Variants in ERICH6B observed in about 807,000 individuals in gnomAD.
ERICH6B encodes glutamate-rich protein 6B.
Under a neutral mutation model 80.0 loss-of-function variants are expected in ERICH6B, and 69 were observed. The ratio of observed to expected loss-of-function variants is 0.86; its 90% CI spans 0.71 to 1.05. ERICH6B has a LOEUF of 1.05. Ranked by LOEUF, ERICH6B falls within the 50% of genes least tolerant of loss-of-function variation. ERICH6B has a pLI of 0.00. For missense variants in ERICH6B, 754 were observed against 796.1 expected (o/e 0.95, Z 0.64); for synonymous variants, 283 against 291.9 (o/e 0.97, Z 0.31).
rs1482160837 is a variant in ERICH6B, at chr13:45,574,840, A to C, written c.1050+2T>G. The C allele has an allele frequency of 2.6e-6, 4 of 1,548,784 alleles. No individual in the cohort carries two copies. The highest frequency in any genetic ancestry group is 2.0e-5 in the Admixed American group (1 of 50,952). On this transcript the variant is annotated splice_donor_variant, in intron 8 of 14. Transcript: ENST00000298738. LOFTEE classifies it high-confidence loss of function. ...GGGGTCTCAAGTTTTTATCCAACTT[A>C]CGTTTTCATCTAAATCTTCCACTTC...
intron 1 of ERICH6B, among the ~76,000 whole-genome samples, chr13:45,612,067 T>A (rs1250277464): frequency 6.6e-6 from 1 of 152,234 alleles, no homozygotes; most frequent in Non-Finnish European, 1.5e-5. Flanking sequence ...GGTATTTACA[T>A]GGATTGATGT....
At position 45,550,001 on chromosome 13, in the gene ERICH6B, A is replaced by G. The variant is rs760571647; in HGVS notation, c.1538T>C (p.Met513Thr). 1 of 1,551,890 alleles carries G rather than the reference A, an allele frequency of 6.4e-7. No homozygotes were observed. Among genetic ancestry groups the G allele is most frequent in the South Asian group, 1.2e-5 (1 of 84,054 alleles). The change falls in exon 13 of 15, where the codon ATG becomes ACG. Residue 513 changes from methionine (M) to threonine (T), a missense_variant. Physicochemically the swap from Met to Thr is moderately conservative, Grantham distance 81. Transcript: ENST00000298738. ...CAGAATGATGTATGTGAACTTTTTC[A>G]TTTTCGCATATAAGATGAGCATAGC... ...NLAMLILYAKMKKFTYIILED... is the reference protein window; with the variant it reads ...NLAMLILYAKTKKFTYIILED...
At chr13:45,565,156 G>T (rs546452597) in intron 9 of ERICH6B, among the ~76,000 whole-genome samples, 5 of 152,134 alleles carry the variant, frequency 3.3e-5, no homozygotes, top group African/African-American at 1.2e-4. Flanking sequence ...TGATCCAAAA[G>T]CTTGGGAGTT....
chr13:45,591,436 A>C (rs997308684), intron 3 of ERICH6B, among the ~76,000 whole-genome samples: 4 of 152,128 alleles, frequency 2.6e-5, no homozygotes, highest in Non-Finnish European at 5.9e-5. Context: ...CTCTACTAAA[A>C]ATACAAAAAA....
chr13:45,545,504 A>AG (rs1319473834), intron 13 of ERICH6B, among the ~76,000 whole-genome samples: 1 of 152,242 alleles, frequency 6.6e-6, no homozygotes, highest in Admixed American at 6.5e-5. Context: ...CATAGCTCCT[A>AG]GGGGAAATAT....
At position 45,554,337 on chromosome 13, in the gene ERICH6B, T is replaced by C. The variant is rs1003829594; in HGVS notation, c.1408-4021A>G. 3.3e-5 allele frequency among the ~76,000 whole-genome samples: 5 copies of C among 152,238 alleles called. No individual in the cohort carries two copies. In the East Asian group the frequency reaches 5.8e-4, roughly 18 times the overall value. ...GCTGAGTAGTATTCCATTGTGTATA[T>C]AGACCACGTTTTCCTTTTTCATCCA... On this transcript the variant is annotated intron_variant, in intron 11 of 14. Coordinates refer to ENST00000298738, the MANE Select transcript of ERICH6B (RefSeq NM_182542.3).
Position 45,541,613 on chromosome 13 carries a change from G to A in ERICH6B, c.1940C>T (p.Thr647Ile), listed in dbSNP as rs540759600. Residue 647 changes from threonine (T) to isoleucine (I), a missense_variant, in exon 15 of 15, where the codon ACA (threonine) becomes ATA (isoleucine). Thr to Ile is a moderately conservative substitution (Grantham distance 89, BLOSUM62 -1). Transcript: ENST00000298738. ...KTILEAEPGP[T>I]AQKIRVLLGK... ...CAGAAGGACCCGGATCTTCTGGGCT[G>A]TTGGGCCGGGTTCTGCCTCCAGGAT... 12 of 1,551,532 alleles carry A rather than the reference G, an allele frequency of 7.7e-6. No homozygotes were observed. In the Admixed American group the frequency reaches 9.8e-5, roughly 13 times the overall value.
intron 1 of ERICH6B, among the ~76,000 whole-genome samples, chr13:45,610,424 G>A (rs1408652250): frequency 6.6e-6 from 1 of 151,998 alleles, no homozygotes; most frequent in African/African-American, 2.4e-5. Flanking sequence ...ACTTCCAAAT[G>A]CTCAGGGAGA....
intron 13 of ERICH6B, 21 bp downstream of exon 13, chr13:45,549,872 G>A: frequency 6.5e-7 from 1 of 1,546,278 alleles, no homozygotes; most frequent in Non-Finnish European, 8.7e-7. Context: ...GGAGTGTTAG[G>A]GACTCATGAC....
At chr13:45,598,132 C>T in intron 2 of ERICH6B, among the ~76,000 whole-genome samples, 1 of 152,294 alleles carries the variant, frequency 6.6e-6, no homozygotes. Context: ...CTTCCCTGCC[C>T]CCACCCTGTT....
At chr13:45,543,251 G>C (rs993559677) in intron 14 of ERICH6B, among the ~76,000 whole-genome samples, 1 of 152,106 alleles carries the variant, frequency 6.6e-6, no homozygotes, top group African/African-American at 2.4e-5. Flanking sequence ...AGGGTCTCAG[G>C]AGCCCACCTT....
At chr13:45,606,540 T>TAG (rs1841510403) in intron 2 of ERICH6B, among the ~76,000 whole-genome samples, 1 of 16,478 alleles carries the variant, frequency 6.1e-5, no homozygotes, top group Non-Finnish European at 1.8e-4. Flanking sequence ...TATATATATA[T>TAG]ATATATATTT....
At chr13:45,582,240 C>T (rs1295607204) in intron 5 of ERICH6B, among the ~76,000 whole-genome samples, 8 of 152,210 alleles carry the variant, frequency 5.3e-5, no homozygotes, top group Non-Finnish European at 1.2e-4. Context: ...ACTGAACGCG[C>T]CATTCCAGGG....
At chr13:45,588,195 G>A (rs1876000915) in intron 4 of ERICH6B, among the ~76,000 whole-genome samples, 1 of 152,198 alleles carries the variant, frequency 6.6e-6, no homozygotes, top group African/African-American at 2.4e-5. Flanking sequence ...AGAGGTGAAG[G>A]GAGAGAGCAG....
chr13:45,568,549 C>T (rs927331550), intron 8 of ERICH6B, 98 bp from the exon 9 acceptor site: 2 of 1,164,328 alleles, frequency 1.7e-6, no homozygotes, highest in Admixed American at 6.4e-5. Flanking sequence ...TGTGACACTT[C>T]AACATATTAT....
intron 4 of ERICH6B, among the ~76,000 whole-genome samples, chr13:45,588,711 T>A (rs924003907): frequency 6.6e-6 from 1 of 152,228 alleles, no homozygotes; most frequent in African/African-American, 2.4e-5. Flanking sequence ...TCATGTACTT[T>A]TCCCCCCAGA....
At chr13:45,615,617 A>AGTGG (rs1949923675) in intron 1 of ERICH6B, 68 bp downstream of exon 1, 2 of 152,388 alleles carry the variant, frequency 1.3e-5, no homozygotes, top group Admixed American at 6.5e-5. Flanking sequence ...GGAGGAGGAG[A>AGTGG]GTGGGTGGAG....
At chr13:45,579,794 G>A in intron 7 of ERICH6B, 139 bp downstream of exon 7, 1 of 731,642 alleles carries the variant, frequency 1.4e-6, no homozygotes, top group Non-Finnish European at 2.3e-6. Context: ...GGGTCCGTGT[G>A]CCCAGGATGC....
Position 45,574,808 on chromosome 13 carries a change from T to TTG in ERICH6B, c.1050+33_1050+34insCA, listed in dbSNP as rs769415587. 252 of 1,330,332 alleles carry TTG rather than the reference T, an allele frequency of 1.9e-4. No homozygotes were observed. The South Asian group carries it at 3.1e-3, about 16-fold the overall frequency. 82.4% of individuals were successfully genotyped at this position (1,330,332 alleles called of 1,614,324 possible). ...GGGCCACCCTACATTTGGAGGAAGC[T>TTG]GGGGGGGGGGTCTCAAGTTTTTATC... On this transcript the variant is annotated intron_variant, in intron 8 of 14. Coordinates refer to ENST00000298738, the MANE Select transcript of ERICH6B (RefSeq NM_182542.3).
Sources: gnomAD v4.1 joint callset for allele counts (sites outside exome capture counted in the v4.1 genomes callset) on GRCh38, gnomAD v4.1.1 for gene constraint, MANE v1.5 for transcripts, NCBI Gene and HGNC (gene_info 2026-07-23, HGNC 2026-07-21) for gene names.